Variants in ZNF385B observed in about 807,000 individuals in gnomAD.
ZNF385B encodes zinc finger protein 533.
In ZNF385B, 23 loss-of-function variants were observed where a neutral mutation model predicts 39.2. The observed-to-expected ratio is 0.59, with a 90% confidence interval of 0.42 to 0.83. The LOEUF is 0.83. Ranked by LOEUF, ZNF385B falls within the 40% of genes least tolerant of loss-of-function variation. The pLI, the probability that ZNF385B is intolerant of heterozygous loss-of-function variation, is 0.00. For synonymous variants in ZNF385B, 205 were observed against 222.6 expected, an observed-to-expected ratio of 0.92 and a Z score of 0.70; for missense variants, 552 against 598.9, an observed-to-expected ratio of 0.92 and a Z score of 0.82.
At chr2:179,767,353 C>T (rs1703761903) in intron 3 of ZNF385B, among the ~76,000 whole-genome samples, 1 of 152,160 alleles carries the variant, frequency 6.6e-6, no homozygotes, top group Non-Finnish European at 1.5e-5. Context: ...CTATGGTTTC[C>T]CACCACTAGG....
intron 6 of ZNF385B, among the ~76,000 whole-genome samples, chr2:179,453,473 G>A (rs2050358770): frequency 6.6e-6 from 1 of 152,034 alleles, no homozygotes; most frequent in Non-Finnish European, 1.5e-5. Context: ...ATGAATTTCT[G>A]GTCTGGTTGG....
rs913486007 is a variant in ZNF385B at position 179,445,473 on chromosome 2, A to T, written c.1140+77T>A. The T allele has an allele frequency of 4.1e-6, 6 of 1,446,678 alleles. No individual in the cohort carries two copies. The Admixed American group carries it at 1.3e-4, about 32-fold the overall frequency. The allele number at this position is 1,446,678 out of a possible 1,614,324, so 89.6% of individuals were successfully genotyped here. A position where few individuals can be genotyped will look rare whatever the true frequency, so the allele number is the denominator to read the frequency against. On this transcript the variant is annotated intron_variant, in intron 8 of 9. Transcript: ENST00000410066. Reference sequence around the variant, plus strand: ...CAACTTAACTGTGAGCACAGTAAAAACCATTCTATAGATGAGAAGATACAC... The same window carrying T: ...CAACTTAACTGTGAGCACAGTAAAATCCATTCTATAGATGAGAAGATACAC...
intron 3 of ZNF385B, among the ~76,000 whole-genome samples, 185 bp downstream of exon 3, chr2:179,769,318 T>C (rs1296048914): frequency 2.0e-5 from 3 of 152,224 alleles, no homozygotes; most frequent in Non-Finnish European, 4.4e-5. Context: ...TGTATGTCAG[T>C]GGGTGTAACA....
At position 179,442,921 on chromosome 2, in the gene ZNF385B, A is replaced by T; in HGVS notation, c.*329T>A. 2.6e-6 allele frequency: 1 copy of T among 388,266 alleles called. No homozygotes were observed. The highest frequency in any genetic ancestry group is 4.8e-6 in the Non-Finnish European group (1 of 207,380). 24.1% of individuals were successfully genotyped at this position (388,266 alleles called of 1,614,324 possible). A position where few individuals can be genotyped will look rare whatever the true frequency, so the allele number is the denominator to read the frequency against. On this transcript the variant is annotated 3_prime_UTR_variant, in exon 10 of 10. Transcript: ENST00000410066. ...TTAAGCCAGATCATACCCATGGAAA[A>T]ATAGAGAATGGTTTTCTTTCTTTTT...
At chr2:179,544,772 A>T (rs2105907007) in intron 4 of ZNF385B, 55 bp downstream of exon 4, 1 of 1,605,736 alleles carries the variant, frequency 6.2e-7, no homozygotes. Context: ...CTATTCACAA[A>T]TGTAATGAAA....
chr2:179,491,194 AATTT>A (rs779041576), intron 5 of ZNF385B, among the ~76,000 whole-genome samples: 1 of 152,216 alleles, frequency 6.6e-6, no homozygotes, highest in Non-Finnish European at 1.5e-5. Flanking sequence ...ACATCATCAC[AATTT>A]ATTTAAGAAT....
intron 1 of ZNF385B, among the ~76,000 whole-genome samples, chr2:179,812,275 C>G (rs1038024834): frequency 2.6e-4 from 39 of 152,154 alleles, no homozygotes; most frequent in African/African-American, 9.2e-4. Context: ...TTTAACCCAG[C>G]AATCCCATTA....
chr2:179,612,546 A>T (rs1326327328), intron 3 of ZNF385B, among the ~76,000 whole-genome samples: 1 of 151,734 alleles, frequency 6.6e-6, no homozygotes, highest in East Asian at 2.0e-4. Context: ...TATCAGGCAG[A>T]TACTCTTGTT....
intron 6 of ZNF385B, among the ~76,000 whole-genome samples, chr2:179,451,086 A>T (rs1456080462): frequency 2.7e-5 from 3 of 112,164 alleles, no homozygotes; most frequent in East Asian, 3.0e-4. Context: ...AACATCACAC[A>T]CTGGGGACTG....
chr2:179,535,365 G>A (rs1289851115), intron 4 of ZNF385B, among the ~76,000 whole-genome samples: 4 of 152,198 alleles, frequency 2.6e-5, no homozygotes, highest in African/African-American at 4.8e-5. Context: ...AAAATATTTC[G>A]CACATGAATA....
In ZNF385B at chr2:179,442,464, T is replaced by A. The variant is rs974118982; in HGVS notation, c.*786A>T. On this transcript the variant is annotated 3_prime_UTR_variant, in exon 10 of 10. Transcript: ENST00000410066. ...AGCTACAAAATAAGTTAAACAAAAATAGCAAACAGGTAGTAATTATAGCTA... is the reference window on the plus strand; with the variant it reads ...AGCTACAAAATAAGTTAAACAAAAAAAGCAAACAGGTAGTAATTATAGCTA... 15 of 152,644 alleles carry A rather than the reference T, an allele frequency of 9.8e-5. No individual in the cohort carries two copies. The highest frequency in any genetic ancestry group is 3.4e-4 in the African/African-American group (14 of 41,456). 9.5% of individuals were successfully genotyped at this position (152,644 alleles called of 1,614,324 possible). A position where few individuals can be genotyped will look rare whatever the true frequency, so the allele number is the denominator to read the frequency against.
In ZNF385B at chr2:179,616,617, T is replaced by C. The variant is rs571027391; in HGVS notation, c.299-71648A>G. ...CTGTGTCACCCAGGCTGGAGTGCAG[T>C]GGTGCGATCATAGCTCCCTGCAGCC... is the stretch of plus-strand genomic sequence containing the variant. On this transcript the variant is annotated intron_variant, in intron 3 of 9. Coordinates refer to ENST00000410066, the MANE Select transcript of ZNF385B (RefSeq NM_152520.6). 1.4e-3 allele frequency among the ~76,000 whole-genome samples: 209 copies of C among 152,312 alleles called. 1 individual carries two copies. The highest frequency in any genetic ancestry group is 3.8e-3 in the African/African-American group (160 of 41,578).
At chr2:179,635,189 G>A (rs1691635208) in intron 3 of ZNF385B, among the ~76,000 whole-genome samples, 1 of 151,634 alleles carries the variant, frequency 6.6e-6, no homozygotes, top group South Asian at 2.1e-4. Context: ...ATACACCATG[G>A]AATACTATGC....
chr2:179,496,342 T>G (rs576510833), intron 5 of ZNF385B, among the ~76,000 whole-genome samples: 1 of 152,216 alleles, frequency 6.6e-6, no homozygotes, highest in South Asian at 2.1e-4. Flanking sequence ...CCACAGGATC[T>G]AAAAACATAG....
intron 5 of ZNF385B, among the ~76,000 whole-genome samples, chr2:179,506,844 T>C (rs753370024): frequency 1.3e-5 from 2 of 152,208 alleles, no homozygotes; most frequent in Non-Finnish European, 2.9e-5. Flanking sequence ...GTGTCAGATA[T>C]GTTAGGTATA....
chr2:179,769,133 G>C (rs934241557), intron 3 of ZNF385B, among the ~76,000 whole-genome samples: 1 of 152,158 alleles, frequency 6.6e-6, no homozygotes, highest in Admixed American at 6.5e-5. Flanking sequence ...CCAATAGAAA[G>C]CAGATAAAGG....
intron 3 of ZNF385B, among the ~76,000 whole-genome samples, chr2:179,689,738 C>G (rs1698199976): frequency 6.6e-6 from 1 of 151,492 alleles, no homozygotes; most frequent in South Asian, 2.1e-4. Flanking sequence ...TGTTAGCCAC[C>G]AGCAAAAGAC....
At chr2:179,778,890 T>A (rs1704503539) in intron 1 of ZNF385B, among the ~76,000 whole-genome samples, 1 of 152,210 alleles carries the variant, frequency 6.6e-6, no homozygotes, top group Non-Finnish European at 1.5e-5. Context: ...CATTACATGT[T>A]TACTTCTGGT....
At chr2:179,639,712 C>T (rs1227940680) in intron 3 of ZNF385B, among the ~76,000 whole-genome samples, 1 of 152,132 alleles carries the variant, frequency 6.6e-6, no homozygotes, top group African/African-American at 2.4e-5. Context: ...TAGAATTTCA[C>T]TATCACATAG....
Sources: allele counts gnomAD v4.1 joint callset (sites outside exome capture counted in the v4.1 genomes callset), GRCh38; gene constraint gnomAD v4.1.1; transcripts MANE v1.5; gene names NCBI Gene and HGNC (gene_info 2026-07-23, HGNC 2026-07-21).